The following RGL1 variants were observed in gnomAD, a reference collection of about 807,000 sequenced individuals.
The protein encoded by RGL1 is ral guanine nucleotide dissociation stimulator like 1, also known as ral guanine nucleotide dissociation stimulator-like 1.
A neutral mutation model predicts 95.2 loss-of-function variants in RGL1; 24 were observed. The observed-to-expected ratio is 0.25, with a 90% CI of 0.18 to 0.35. The LOEUF is 0.35. RGL1 is among the 10% of genes least tolerant of loss of function. The pLI, the probability that RGL1 is intolerant of heterozygous loss-of-function variation, is 1.00. For synonymous variants in RGL1, 329 were observed against 344.9 expected (o/e 0.95, Z 0.51); for missense variants, 715 against 936.3 (o/e 0.76, Z 3.08).
intron 2 of RGL1, among the ~76,000 whole-genome samples, chr1:183,828,987 T>A (rs1663074049): frequency 6.6e-6 from 1 of 152,228 alleles, no homozygotes; most frequent in Non-Finnish European, 1.5e-5. Flanking sequence ...TTTCATTTTG[T>A]CATCATAGGA....
At chr1:183,830,144 T>C (rs771403429) in intron 2 of RGL1, among the ~76,000 whole-genome samples, 2 of 152,202 alleles carry the variant, frequency 1.3e-5, no homozygotes, top group Non-Finnish European at 2.9e-5. Context: ...CCTCCACTTA[T>C]GAGGATTTAA....
chr1:183,652,966 G>C (rs1215710389), intron 1 of RGL1: 3 of 152,200 alleles, frequency 2.0e-5, no homozygotes, highest in African/African-American at 7.2e-5. Flanking sequence ...AGTGAGTACT[G>C]TTAAAGCACA....
chr1:183,782,865 C>T (rs1043444017), intron 2 of RGL1, among the ~76,000 whole-genome samples: 6 of 152,012 alleles, frequency 3.9e-5, no homozygotes, highest in Non-Finnish European at 8.8e-5. Context: ...GGTAGTCAGA[C>T]GTCCATGTGT....
At chr1:183,640,919 A>G (rs1408732145) in intron 1 of RGL1, among the ~76,000 whole-genome samples, 1 of 152,186 alleles carries the variant, frequency 6.6e-6, no homozygotes, top group Non-Finnish European at 1.5e-5. Context: ...GACTTTTAGA[A>G]ATGACTGCTA....
intron 1 of RGL1, chr1:183,648,729 G>A (rs770802488): frequency 6.2e-7 from 1 of 1,613,818 alleles, no homozygotes; most frequent in African/African-American, 1.3e-5. Flanking sequence ...CCAGTAATAT[G>A]GTTTTACTAT....
intron 3 of RGL1, among the ~76,000 whole-genome samples, chr1:183,859,795 C>T (rs1665391973): frequency 6.6e-6 from 1 of 152,108 alleles, no homozygotes; most frequent in Non-Finnish European, 1.5e-5. Context: ...TGTTTTTGAC[C>T]TTTGTCTTTC....
intron 5 of RGL1, among the ~76,000 whole-genome samples, chr1:183,882,075 C>G (rs1666853769): frequency 6.6e-6 from 1 of 152,244 alleles, no homozygotes; most frequent in Non-Finnish European, 1.5e-5. Context: ...TGCCTCAGTT[C>G]CCATGTGCTT....
intron 1 of RGL1, among the ~76,000 whole-genome samples, chr1:183,735,462 G>T (rs1656882118): frequency 6.6e-6 from 1 of 152,158 alleles, no homozygotes; most frequent in South Asian, 2.1e-4. Flanking sequence ...AATTGAAGCA[G>T]TGTAACAAAC....
chr1:183,747,364 G>A (rs564021689), intron 2 of RGL1, among the ~76,000 whole-genome samples: 1 of 152,148 alleles, frequency 6.6e-6, no homozygotes, highest in African/African-American at 2.4e-5. Context: ...GGTGTGAGAT[G>A]GTATCTCATT....
chr1:183,808,125 T>C (rs767798881), intron 2 of RGL1, among the ~76,000 whole-genome samples: 1 of 152,200 alleles, frequency 6.6e-6, no homozygotes, highest in African/African-American at 2.4e-5. Flanking sequence ...GAGTAAGTCA[T>C]TGGAAATGGA....
At chr1:183,670,900 G>A (rs765066090) in intron 1 of RGL1, among the ~76,000 whole-genome samples, 73 of 152,118 alleles carry the variant, frequency 4.8e-4, no homozygotes, top group Non-Finnish European at 6.9e-4. Context: ...TTGGGCTATC[G>A]TATTAGTCCA....
intron 3 of RGL1, among the ~76,000 whole-genome samples, chr1:183,863,363 T>TAG (rs1665633416): frequency 6.6e-6 from 1 of 152,078 alleles, no homozygotes; most frequent in Non-Finnish European, 1.5e-5. Context: ...GACAGCGTCT[T>TAG]GCTATGTGTT....
chr1:183,802,612 A>AAC (rs557244491), upstream of RGL1, among the ~76,000 whole-genome samples: 849 of 151,692 alleles, frequency 5.6e-3, 7 homozygotes, highest in Middle Eastern at 0.034. Context: ...AAAAAAAAAA[A>AAC]AAAAAAAAAC....
At chr1:183,789,930 A>T (rs887568009) in intron 2 of RGL1, among the ~76,000 whole-genome samples, 12 of 147,502 alleles carry the variant, frequency 8.1e-5, no homozygotes, top group African/African-American at 3.0e-4. Flanking sequence ...GCTTTTACTT[A>T]TTTTTTTTTT....
chr1:183,878,988 T>C (rs1020717921), intron 4 of RGL1, among the ~76,000 whole-genome samples: 4 of 152,234 alleles, frequency 2.6e-5, no homozygotes, highest in Non-Finnish European at 5.9e-5. Context: ...TCTGTAAAAG[T>C]CAAGCTGATG....
chr1:183,849,114 T>C (rs568572809), intron 3 of RGL1, among the ~76,000 whole-genome samples: 2 of 152,306 alleles, frequency 1.3e-5, no homozygotes, highest in Admixed American at 1.3e-4. Flanking sequence ...AGATAGGATC[T>C]TGTCCTGTTG....
rs575733588 is a variant in RGL1 at position 183,874,956 on chromosome 1, A to C, written c.426-5660A>C. Among the ~76,000 whole-genome samples the C allele has an allele frequency of 1.2e-4, 19 of 152,316 alleles. No individual in the cohort carries two copies. The East Asian group carries it at 3.5e-3, about 28-fold the overall frequency. On this transcript the variant is annotated intron_variant, in intron 4 of 17. Coordinates refer to ENST00000360851, the MANE Select transcript of RGL1 (RefSeq NM_001297671.3). ...GGTTGACTTAGGCTTCAGTTCTTGA[A>C]GGACAAAGTGTATTAGATCCTGCCC...
chr1:183,758,970 A>G (rs550131397), intron 2 of RGL1, among the ~76,000 whole-genome samples: 2 of 152,218 alleles, frequency 1.3e-5, no homozygotes, highest in South Asian at 2.1e-4. Flanking sequence ...CTAATTGTAA[A>G]CAGTCTGTTT....
At chr1:183,880,316 C>A in intron 4 of RGL1, among the ~76,000 whole-genome samples, 1 of 152,188 alleles carries the variant, frequency 6.6e-6, no homozygotes, top group South Asian at 2.1e-4. Flanking sequence ...AAACCTTCTA[C>A]ACATCAATTT....
Sources: gnomAD v4.1 joint callset for allele counts (sites outside exome capture counted in the v4.1 genomes callset) on GRCh38, gnomAD v4.1.1 for gene constraint, MANE v1.5 for transcripts, NCBI Gene and HGNC (gene_info 2026-07-23, HGNC 2026-07-21) for gene names.